EIPR1: variants seen among roughly 807,000 people sequenced by gnomAD.
EIPR1 encodes the protein EARP and GARP complex-interacting protein 1.
In EIPR1, 25 loss-of-function variants were observed where a neutral mutation model predicts 48.1. The ratio of observed to expected loss-of-function variants is 0.52; its 90% confidence interval spans 0.38 to 0.73. The LOEUF (loss-of-function observed/expected upper bound fraction) is 0.73. EIPR1 is among the 30% of genes least tolerant of loss of function. EIPR1 has a pLI of 0.00. For missense variants in EIPR1, 415 were observed against 506.2 expected (o/e 0.82, Z 1.73); for synonymous variants, 204 against 201.9 (o/e 1.01, Z -0.09).
In EIPR1 at chr2:3,285,893, C is replaced by T. The variant is rs527876135; in HGVS notation, c.260-28438G>A. On this transcript the variant is annotated intron_variant, in intron 3 of 8. Transcript: ENST00000382125. ...CGGAGCAGAAGTCACCAACTGTCTC[C>T]GGGACCCTCGCATGGAGCAGAAGTC... is the stretch of plus-strand genomic sequence containing the variant. Among the ~76,000 whole-genome samples, 85 of 143,350 alleles carry T rather than the reference C, an allele frequency of 5.9e-4. 7 individuals are homozygous for T. The highest frequency in any genetic ancestry group is 2.3e-3 in the South Asian group (10 of 4,302). The allele number at this position is 143,350 out of a possible 152,430, so 94.0% of individuals were successfully genotyped here. A position where few individuals can be genotyped will look rare whatever the true frequency, so the allele number is the denominator to read the frequency against.
At chr2:3,306,967 TTTAA>T (rs1386331526) in intron 3 of EIPR1, among the ~76,000 whole-genome samples, 1 of 152,148 alleles carries the variant, frequency 6.6e-6, no homozygotes, top group African/African-American at 2.4e-5. Flanking sequence ...TTATTTTTTT[TTTAA>T]TTTATTTATT....
rs111815849 is a variant in EIPR1 at position 3,326,423 on chromosome 2, C to T, written c.259+11594G>A. ...CCACTGCCCGATACCCCTGCAAGAC[C>T]GCTGCCTCCCCAGCCTCCACTGCCC... On this transcript the variant is annotated intron_variant, in intron 3 of 8. Transcript: ENST00000382125. 6.8e-3 allele frequency among the ~76,000 whole-genome samples: 1,035 copies of T among 152,256 alleles called. 10 individuals carry two copies. Among genetic ancestry groups the T allele is most frequent in the Middle Eastern group, 0.027 (8 of 294 alleles).
At chr2:3,223,062 G>A (rs1558234088) in intron 4 of EIPR1, among the ~76,000 whole-genome samples, 1 of 152,186 alleles carries the variant, frequency 6.6e-6, no homozygotes, top group Non-Finnish European at 1.5e-5. Flanking sequence ...CCAAGCCTGA[G>A]ACTGGCAAGA....
chr2:3,292,047 C>T lies in EIPR1; in HGVS notation c.260-34592G>A, dbSNP rs1369221986. ...AGCCTATGTCCACTGAACCCTCCTG[C>T]CACACATGCTCTGCTCTGTGAGGAA... On this transcript the variant is annotated intron_variant, in intron 3 of 8. Coordinates refer to ENST00000382125, the MANE Select transcript of EIPR1 (RefSeq NM_003310.5). Among the ~76,000 whole-genome samples the T allele has an allele frequency of 2.0e-5, 3 of 152,236 alleles. No individual in the cohort carries two copies. In the East Asian group the frequency reaches 5.8e-4, roughly 29 times the overall value.
intron 7 of EIPR1, among the ~76,000 whole-genome samples, chr2:3,193,796 T>C (rs1259561291): frequency 6.6e-6 from 1 of 152,272 alleles, no homozygotes; most frequent in African/African-American, 2.4e-5. Flanking sequence ...CAGAATTTAA[T>C]GTTTTTCTTC....
At chr2:3,288,948 C>T (rs993115266) in intron 3 of EIPR1, among the ~76,000 whole-genome samples, 6 of 152,232 alleles carry the variant, frequency 3.9e-5, no homozygotes, top group African/African-American at 7.2e-5. Context: ...AGGCCCCCAG[C>T]GGAGCCCCAC....
intron 3 of EIPR1, among the ~76,000 whole-genome samples, chr2:3,310,828 A>C (rs1669108575): frequency 6.6e-6 from 1 of 152,042 alleles, no homozygotes; most frequent in Non-Finnish European, 1.5e-5. Flanking sequence ...TATATACTAA[A>C]CTTTGTTACA....
chr2:3,331,043 C>T (rs1214636447), intron 3 of EIPR1, among the ~76,000 whole-genome samples: 2 of 145,838 alleles, frequency 1.4e-5, no homozygotes, highest in South Asian at 4.4e-4. Flanking sequence ...GGCATGTGTA[C>T]ACTCATGAGA....
At chr2:3,327,262 C>T (rs1669725629) in intron 3 of EIPR1, among the ~76,000 whole-genome samples, 1 of 152,222 alleles carries the variant, frequency 6.6e-6, no homozygotes, top group Non-Finnish European at 1.5e-5. Flanking sequence ...CAGCCTACTG[C>T]AACCGCCACC....
At position 3,201,082 on chromosome 2, in the gene EIPR1, C is replaced by T. The variant is rs532620673; in HGVS notation, c.517-4065G>A. On this transcript the variant is annotated intron_variant, in intron 5 of 8. Coordinates refer to ENST00000382125, the MANE Select transcript of EIPR1 (RefSeq NM_003310.5). Reference sequence around the variant, plus strand: ...GGAACCACATTGGGCTTTGGGGCTGCCGAGCCCCAGGCACGTGCTCCCACC... The same window carrying T: ...GGAACCACATTGGGCTTTGGGGCTGTCGAGCCCCAGGCACGTGCTCCCACC... Among the ~76,000 whole-genome samples, 125 of 152,322 alleles carry T rather than the reference C, an allele frequency of 8.2e-4. 2 individuals carry two copies. In the South Asian group the frequency reaches 0.017, roughly 20 times the overall value.
intron 4 of EIPR1, among the ~76,000 whole-genome samples, chr2:3,249,934 A>C (rs1666954233): frequency 6.6e-6 from 1 of 152,234 alleles, no homozygotes; most frequent in Non-Finnish European, 1.5e-5. Flanking sequence ...GAGTGAAAGA[A>C]GCTTGGCAGC....
At chr2:3,311,235 C>T (rs994846028) in intron 3 of EIPR1, among the ~76,000 whole-genome samples, 5 of 152,118 alleles carry the variant, frequency 3.3e-5, no homozygotes, top group African/African-American at 1.2e-4. Context: ...CCAGAAAAAG[C>T]CCACAGAATT....
rs530048512 is a variant in EIPR1, at chr2:3,348,305, C to T, written c.126+6245G>A. Among the ~76,000 whole-genome samples the T allele has an allele frequency of 3.3e-5, 5 of 152,268 alleles. No homozygotes were observed. In the East Asian group the frequency reaches 9.6e-4, roughly 29 times the overall value. ...GCTTCCATGTTAGAAGAGGCAAAGC[C>T]GGTCCTCTCTGTCACCATGGCACTC... On this transcript the variant is annotated intron_variant, in intron 2 of 8. Transcript: ENST00000382125.
At chr2:3,203,733 G>T (rs1398683091) in intron 5 of EIPR1, among the ~76,000 whole-genome samples, 5 of 152,234 alleles carry the variant, frequency 3.3e-5, no homozygotes, top group Non-Finnish European at 5.9e-5. Context: ...GCAGGGCGGG[G>T]TCCCTCAGCG....
At chr2:3,331,273 G>A (rs1396162111) in intron 3 of EIPR1, among the ~76,000 whole-genome samples, 1 of 95,876 alleles carries the variant, frequency 1.0e-5, no homozygotes, top group Non-Finnish European at 2.0e-5. Context: ...GATGGTGTGA[G>A]CAGAGGCAGG....
chr2:3,239,240 C>A (rs375848220), intron 4 of EIPR1, among the ~76,000 whole-genome samples: 1 of 152,196 alleles, frequency 6.6e-6, no homozygotes, highest in Non-Finnish European at 1.5e-5. Flanking sequence ...CTCAATATTA[C>A]AGGTGGGTAT....
At chr2:3,246,024 G>A (rs59168689) in intron 4 of EIPR1, among the ~76,000 whole-genome samples, 86,715 of 151,470 alleles carry the variant, frequency 0.57, 25,127 homozygotes, top group East Asian at 0.75. Context: ...CTGGAAGGCC[G>A]AGGCTGTGGT....
At chr2:3,291,299 C>T (rs1363326425) in intron 3 of EIPR1, among the ~76,000 whole-genome samples, 2 of 152,262 alleles carry the variant, frequency 1.3e-5, no homozygotes, top group East Asian at 3.9e-4. Context: ...CATGGTTCTG[C>T]CGTGTACCCG....
chr2:3,192,065 C>T (rs529308312), intron 8 of EIPR1, among the ~76,000 whole-genome samples: 93 of 152,344 alleles, frequency 6.1e-4, no homozygotes, highest in African/African-American at 2.2e-3. Context: ...GCGTCTCTTA[C>T]AGGGAGTGCT....
Sources: allele counts gnomAD v4.1 joint callset (sites outside exome capture counted in the v4.1 genomes callset), GRCh38; gene constraint gnomAD v4.1.1; transcripts MANE v1.5; gene names NCBI Gene and HGNC (gene_info 2026-07-23, HGNC 2026-07-21).